SHOC1: variants seen among roughly 807,000 people sequenced by gnomAD.
The protein encoded by SHOC1 is protein shortage in chiasmata 1 ortholog.
A neutral mutation model predicts 179.2 loss-of-function variants in SHOC1; 136 were observed. That is an observed-to-expected ratio of 0.76 (90% CI 0.66 to 0.87). The LOEUF (loss-of-function observed/expected upper bound fraction) is 0.87, where lower values mean the gene tolerates loss of function less well. Among genes scored for constraint, SHOC1 ranks in the 40% least tolerant of loss-of-function variants. The probability of loss-of-function intolerance (pLI) is 0.00; values close to 1 mark genes in which losing one functional copy is unlikely to be tolerated. For synonymous variants in SHOC1, 489 were observed against 586.6 expected (o/e 0.83, Z 2.41); for missense variants, 1,538 against 1,700.8 (o/e 0.90, Z 1.68).
intron 4 of SHOC1, among the ~76,000 whole-genome samples, chr9:111,778,770 C>CAAAAAA (rs11295075): frequency 4.1e-5 from 3 of 74,006 alleles, no homozygotes; most frequent in South Asian, 4.9e-4. Flanking sequence ...GACTCTGTCT[C>CAAAAAA]AAAAAAAAAA....
intron 12 of SHOC1, among the ~76,000 whole-genome samples, chr9:111,735,946 C>G (rs1264781884): frequency 2.0e-5 from 3 of 152,118 alleles, no homozygotes; most frequent in Non-Finnish European, 2.9e-5. Flanking sequence ...TAATGGGCAC[C>G]TAGGTTGATT....
intron 11 of SHOC1, among the ~76,000 whole-genome samples, chr9:111,741,220 C>G (rs1834024596): frequency 6.6e-6 from 1 of 151,984 alleles, no homozygotes; most frequent in Admixed American, 6.6e-5. Flanking sequence ...TTATGTACTA[C>G]TTGTATTTCA....
At chr9:111,710,982 T>G (rs1173160636) in intron 18 of SHOC1, among the ~76,000 whole-genome samples, 1 of 152,128 alleles carries the variant, frequency 6.6e-6, no homozygotes, top group Non-Finnish European at 1.5e-5. Flanking sequence ...TGGTGTTTTA[T>G]TTTATTTTTA....
In SHOC1 at chr9:111,783,035, CT is replaced by C. The variant is rs529277807; in HGVS notation, c.170-2019del. ...CCTATCCCCTTTTACTCCTGTTATC[CT>C]TTTTCTTTCCTGCATCATCTTATTC... On this transcript the variant is annotated intron_variant, in intron 3 of 27. Coordinates refer to ENST00000682961, the MANE Select transcript of SHOC1 (RefSeq NM_001378211.1). Among the ~76,000 whole-genome samples the C allele has an allele frequency of 1.8e-3, 274 of 152,274 alleles. 1 individual carries two copies. Among genetic ancestry groups the C allele is most frequent in the Non-Finnish European group, 3.2e-3 (216 of 68,000 alleles).
chr9:111,787,755 T>A (rs193130020), intron 2 of SHOC1, among the ~76,000 whole-genome samples: 12 of 152,322 alleles, frequency 7.9e-5, no homozygotes, highest in African/African-American at 2.9e-4. Flanking sequence ...TTCAAAGAAG[T>A]TCTGTGAGTA....
At position 111,686,600 on chromosome 9, in the gene SHOC1, G is replaced by A; in HGVS notation, c.*170C>T. 2.0e-6 allele frequency: 1 copy of A among 494,012 alleles called. No individual in the cohort carries two copies. The highest frequency in any genetic ancestry group is 3.5e-5 in the Admixed American group (1 of 28,784). 30.6% of individuals were successfully genotyped at this position (494,012 alleles called of 1,614,324 possible). ...TAAATTAGAATATTTAACTTACAAA[G>A]ATGCAAACCATAGGGCAGAATACAT... On this transcript the variant is annotated 3_prime_UTR_variant, in exon 28 of 28. Coordinates refer to ENST00000682961, the MANE Select transcript of SHOC1 (RefSeq NM_001378211.1).
intron 11 of SHOC1, among the ~76,000 whole-genome samples, chr9:111,740,657 C>T (rs1287569507): frequency 6.6e-6 from 1 of 152,142 alleles, no homozygotes; most frequent in Non-Finnish European, 1.5e-5. Context: ...TTGCAACTTC[C>T]ACCTCCCTGG....
rs1554710346 is a variant in SHOC1, at chr9:111,705,195, A to ACC, written c.2855+51_2855+52insGG. ...TACACACACACACACACACACACACACATATATATATAATGTACACTTTTG... is the reference window on the plus strand; with the variant it reads ...TACACACACACACACACACACACACACCCATATATATATAATGTACACTTTTG... On this transcript the variant is annotated intron_variant, in intron 21 of 27. Coordinates refer to ENST00000682961, the MANE Select transcript of SHOC1 (RefSeq NM_001378211.1). 266 of 763,692 alleles carry ACC rather than the reference A, an allele frequency of 3.5e-4. 1 individual carries two copies. In the African/African-American group the frequency reaches 3.7e-3, roughly 11 times the overall value. The allele number at this position is 763,692 out of a possible 1,614,324, so 47.3% of individuals were successfully genotyped here. A position where few individuals can be genotyped will look rare whatever the true frequency, so the allele number is the denominator to read the frequency against.
intron 23 of SHOC1, 91 bp from the exon 24 acceptor site, chr9:111,700,138 T>A: frequency 1.3e-6 from 1 of 773,822 alleles, no homozygotes; most frequent in East Asian, 2.9e-5. Context: ...TTCATAATAT[T>A]TTTAGAATAA....
chr9:111,700,107 A>C, intron 23 of SHOC1, 60 bp from the exon 24 acceptor site: 1 of 939,454 alleles, frequency 1.1e-6, no homozygotes, highest in East Asian at 2.8e-5. Flanking sequence ...ATTTATTAAA[A>C]ATTCATTTTG....
chr9:111,753,659 T>C (rs1303630023), intron 8 of SHOC1, among the ~76,000 whole-genome samples: 1 of 152,130 alleles, frequency 6.6e-6, no homozygotes, highest in Non-Finnish European at 1.5e-5. Context: ...GTTCAACATA[T>C]GCAAATCAAT....
At chr9:111,710,644 A>G (rs565789294) in intron 18 of SHOC1, among the ~76,000 whole-genome samples, 8 of 152,304 alleles carry the variant, frequency 5.3e-5, no homozygotes, top group African/African-American at 1.9e-4. Flanking sequence ...TCTAAGGGTG[A>G]TAACACCCTT....
At chr9:111,705,986 C>G (rs1377111157) in intron 20 of SHOC1, among the ~76,000 whole-genome samples, 2 of 152,062 alleles carry the variant, frequency 1.3e-5, no homozygotes, top group Non-Finnish European at 2.9e-5. Flanking sequence ...AGACTTCCCA[C>G]TCATATTTGA....
At chr9:111,720,622 G>A (rs1049154370) in intron 15 of SHOC1, among the ~76,000 whole-genome samples, 4 of 152,156 alleles carry the variant, frequency 2.6e-5, no homozygotes, top group Admixed American at 1.3e-4. Flanking sequence ...ACAGCCTACT[G>A]ATGCCTTCTT....
rs534817926 is a variant in SHOC1 at position 111,718,344 on chromosome 9, A to G, written c.2132-56T>C. The G allele has an allele frequency of 2.6e-6, 3 of 1,146,888 alleles. No individual in the cohort carries two copies. In the African/African-American group the frequency reaches 4.8e-5, roughly 18 times the overall value. The allele number at this position is 1,146,888 out of a possible 1,614,324, so 71.0% of individuals were successfully genotyped here. A position where few individuals can be genotyped will look rare whatever the true frequency, so the allele number is the denominator to read the frequency against. On this transcript the variant is annotated intron_variant, in intron 15 of 27. Coordinates refer to ENST00000682961, the MANE Select transcript of SHOC1 (RefSeq NM_001378211.1). Reference sequence around the variant, plus strand: ...AGACTATACATTACAGTTTTAGAATATGTATCAGAATCTGCCTAATAATGG... The same window carrying G: ...AGACTATACATTACAGTTTTAGAATGTGTATCAGAATCTGCCTAATAATGG...
rs561936088 is a variant in SHOC1 at position 111,749,561 on chromosome 9, C to T, written c.863-1362G>A. On this transcript the variant is annotated intron_variant, in intron 8 of 27. Transcript: ENST00000682961. The stretch of plus-strand genomic sequence containing the variant: ...CAGGGGTACATGTACAGGATGTGCA[C>T]GTTTGTTACATAGGTAAGCATGTGC... Among the ~76,000 whole-genome samples, 6 of 151,898 alleles carry T rather than the reference C, an allele frequency of 4.0e-5. No individual in the cohort carries two copies. The South Asian group carries it at 8.3e-4, about 21-fold the overall frequency.
intron 13 of SHOC1, 56 bp downstream of exon 13, chr9:111,727,577 T>C: frequency 2.9e-6 from 4 of 1,399,386 alleles, no homozygotes; most frequent in Non-Finnish European, 3.8e-6. Flanking sequence ...TAATAAATTA[T>C]GTACTTAGTC....
Position 111,686,526 on chromosome 9 carries a change from G to T in SHOC1, c.*244C>A, listed in dbSNP as rs558215007. ...CTCATTTAAATGGCCTGTGTGCAGG[G>T]GTGTCTGGAAGACATTTTGGATCTT... On this transcript the variant is annotated 3_prime_UTR_variant, in exon 28 of 28. Coordinates refer to ENST00000682961, the MANE Select transcript of SHOC1 (RefSeq NM_001378211.1). 2 of 343,680 alleles carry T rather than the reference G, an allele frequency of 5.8e-6. No homozygotes were observed. Among genetic ancestry groups the T allele is most frequent in the South Asian group, 6.1e-5 (2 of 32,992 alleles). 21.3% of individuals were successfully genotyped at this position (343,680 alleles called of 1,614,324 possible).
intron 24 of SHOC1, among the ~76,000 whole-genome samples, chr9:111,696,373 T>C (rs1025920011): frequency 6.6e-6 from 1 of 152,152 alleles, no homozygotes; most frequent in Admixed American, 6.6e-5. Context: ...AGCAACAATA[T>C]GTTCTAAAAT....
Sources: allele counts gnomAD v4.1 joint callset (sites outside exome capture counted in the v4.1 genomes callset), GRCh38; gene constraint gnomAD v4.1.1; transcripts MANE v1.5; gene names NCBI Gene and HGNC (gene_info 2026-07-23, HGNC 2026-07-21).